Variants in ANKFN1 observed in about 807,000 individuals in gnomAD.
ANKFN1 encodes ankyrin repeat and fibronectin type-III domain-containing protein 1.
Under a neutral mutation model 108.7 loss-of-function variants are expected in ANKFN1, and 74 were observed. The ratio of observed to expected loss-of-function variants is 0.68; its 90% CI spans 0.56 to 0.83. The LOEUF is 0.83. Ranked by LOEUF, ANKFN1 falls within the 40% of genes least tolerant of loss-of-function variation. The pLI, the probability that ANKFN1 is intolerant of heterozygous loss-of-function variation, is 0.00. For synonymous variants in ANKFN1, 547 were observed against 516.2 expected (o/e 1.06, Z -0.81); for missense variants, 1,505 against 1,382.3 (o/e 1.09, Z -1.41).
Position 56,180,661 on chromosome 17 carries a change from C to T in ANKFN1, c.-71+27131C>T, listed in dbSNP as rs1280765490. ...ACAGGCAACATATATTGGTATTCCC[C>T]ATGACAACATAATTAGTATTCTAAG... On this transcript the variant is annotated intron_variant, in intron 1 of 20. Transcript: ENST00000682825. Among the ~76,000 whole-genome samples the T allele has an allele frequency of 2.6e-5, 4 of 152,112 alleles. No individual in the cohort carries two copies. The East Asian group carries it at 5.8e-4, about 22-fold the overall frequency.
At chr17:56,074,753 C>A (rs1905162004) in intron 4 of ANKFN1, among the ~76,000 whole-genome samples, 1 of 152,158 alleles carries the variant, frequency 6.6e-6, no homozygotes, top group South Asian at 2.1e-4. Context: ...ATTGCCATTT[C>A]TGTTCCAACT....
At position 56,511,313 on chromosome 17, in the gene ANKFN1, C is replaced by T. The variant is rs2051763826; in HGVS notation, c.*44C>T. The T allele has an allele frequency of 6.8e-7, 1 of 1,461,804 alleles. No homozygotes were observed. Among genetic ancestry groups the T allele is most frequent in the South Asian group, 1.4e-5 (1 of 73,578 alleles). The allele number at this position is 1,461,804 out of a possible 1,614,324, so 90.6% of individuals were successfully genotyped here. On this transcript the variant is annotated 3_prime_UTR_variant, in exon 21 of 21. Coordinates refer to ENST00000682825, the MANE Select transcript of ANKFN1 (RefSeq NM_001370326.1). ...TCCACCCCTCCATGGCTGCTACCTG[C>T]GTTTTACATCACCCTTACCCCCATC... is the stretch of plus-strand genomic sequence containing the variant.
At chr17:56,179,073 C>G (rs1268169626) in intron 1 of ANKFN1, among the ~76,000 whole-genome samples, 1 of 152,156 alleles carries the variant, frequency 6.6e-6, no homozygotes, top group Non-Finnish European at 1.5e-5. Flanking sequence ...ATGTAGCCAG[C>G]CCTTAAAATT....
At chr17:56,084,067 C>A (rs1905279204) in intron 4 of ANKFN1, among the ~76,000 whole-genome samples, 1 of 151,140 alleles carries the variant, frequency 6.6e-6, no homozygotes. Context: ...ATTATATAGC[C>A]CTGTGGGAAT....
intron 1 of ANKFN1, among the ~76,000 whole-genome samples, chr17:56,171,450 A>G (rs917840003): frequency 6.6e-6 from 1 of 152,142 alleles, no homozygotes; most frequent in Non-Finnish European, 1.5e-5. Context: ...GTCTACAGCA[A>G]TGGTTAAAAC....
intron 1 of ANKFN1, among the ~76,000 whole-genome samples, chr17:56,163,008 C>G (rs1398707419): frequency 6.7e-6 from 1 of 150,112 alleles, no homozygotes; most frequent in Non-Finnish European, 1.5e-5. Flanking sequence ...GCACTCCAGC[C>G]TGGGTGACGA....
chr17:56,409,811 C>A (rs1011835171), intron 8 of ANKFN1, among the ~76,000 whole-genome samples: 1 of 152,068 alleles, frequency 6.6e-6, no homozygotes, highest in African/African-American at 2.4e-5. Flanking sequence ...ATCACGATTA[C>A]CTTCTTCATT....
At chr17:56,321,579 G>T (rs78122977) in intron 3 of ANKFN1, among the ~76,000 whole-genome samples, 87 of 152,166 alleles carry the variant, frequency 5.7e-4, no homozygotes, top group African/African-American at 1.8e-3. Context: ...CTAACCACAG[G>T]GCAGACATGC....
At chr17:56,207,831 C>A (rs1003841561) in intron 1 of ANKFN1, among the ~76,000 whole-genome samples, 1 of 152,008 alleles carries the variant, frequency 6.6e-6, no homozygotes, top group African/African-American at 2.4e-5. Flanking sequence ...CTTTTAGATC[C>A]TCCTTAATAA....
chr17:56,070,623 G>A lies in ANKFN1; in HGVS notation c.288+24298G>A, dbSNP rs2143136017. ...ACCCTCACTATAGAGGTTTATGTTT[G>A]TTCTCTTAACCTGCCACCTCTCCAA... On this transcript the variant is annotated intron_variant, in intron 4 of 12. Coordinates refer to the ANKFN1 transcript ENST00000635860. Among the ~76,000 whole-genome samples the A allele has an allele frequency of 2.0e-5, 3 of 152,136 alleles. 1 individual carries two copies. Among genetic ancestry groups the A allele is most frequent in the Middle Eastern group, 6.8e-3 (2 of 294 alleles).
chr17:56,418,036 C>A (rs2048292086), intron 8 of ANKFN1, among the ~76,000 whole-genome samples: 1 of 152,166 alleles, frequency 6.6e-6, no homozygotes, highest in Admixed American at 6.5e-5. Context: ...TTTGAGGAGT[C>A]TTCTACTATC....
intron 1 of ANKFN1, among the ~76,000 whole-genome samples, chr17:56,158,006 A>T (rs1259282097): frequency 6.6e-6 from 1 of 152,164 alleles, no homozygotes; most frequent in African/African-American, 2.4e-5. Context: ...CATGGAGAAC[A>T]CCCCAGCTTT....
chr17:56,074,330 C>A (rs4395135), intron 4 of ANKFN1, among the ~76,000 whole-genome samples: 1 of 151,974 alleles, frequency 6.6e-6, no homozygotes, highest in African/African-American at 2.4e-5. Flanking sequence ...TTAATGGTTC[C>A]TGTTGAATGA....
At chr17:56,138,892 G>T (rs1441877663) in intron 4 of ANKFN1, among the ~76,000 whole-genome samples, 1 of 152,088 alleles carries the variant, frequency 6.6e-6, no homozygotes, top group Non-Finnish European at 1.5e-5. Flanking sequence ...ATATAAAAAA[G>T]AATTCAAGTC....
intron 8 of ANKFN1, among the ~76,000 whole-genome samples, chr17:56,404,061 G>A (rs762424720): frequency 7.2e-5 from 11 of 151,988 alleles, no homozygotes; most frequent in Non-Finnish European, 1.3e-4. Flanking sequence ...TCCTTTATAG[G>A]TTACCTGATG....
intron 4 of ANKFN1, among the ~76,000 whole-genome samples, chr17:56,347,240 A>T (rs552363668): frequency 6.6e-6 from 1 of 152,108 alleles, no homozygotes; most frequent in African/African-American, 2.4e-5. Context: ...AAGCAATAAA[A>T]CTATTTAAAT....
intron 14 of ANKFN1, among the ~76,000 whole-genome samples, chr17:56,460,308 C>T (rs1167949924): frequency 6.6e-6 from 1 of 152,126 alleles, no homozygotes; most frequent in African/African-American, 2.4e-5. Context: ...CAAAAATTAG[C>T]TGGATGTGGT....
chr17:56,117,385 G>A (rs558517660), intron 4 of ANKFN1, among the ~76,000 whole-genome samples: 2 of 152,194 alleles, frequency 1.3e-5, no homozygotes, highest in African/African-American at 4.8e-5. Context: ...GAAGGAGATA[G>A]ATTGTGAGCT....
chr17:56,500,777 C>A (rs4257263), intron 20 of ANKFN1, among the ~76,000 whole-genome samples: 142,765 of 152,262 alleles, frequency 0.94, 67,081 homozygotes, highest in East Asian at 1. Flanking sequence ...TATTTAAAAA[C>A]TATATATTTA....
Sources: gnomAD v4.1 joint callset for allele counts (sites outside exome capture counted in the v4.1 genomes callset) on GRCh38, gnomAD v4.1.1 for gene constraint, MANE v1.5 for transcripts, NCBI Gene and HGNC (gene_info 2026-07-23, HGNC 2026-07-21) for gene names.